The following GRIK2 variants were observed in gnomAD, a reference collection of about 807,000 sequenced individuals.
GRIK2 encodes glutamate ionotropic receptor kainate type subunit 2.
GRIK2 carries 32 observed loss-of-function variants against 100.3 expected under a neutral mutation model. The observed-to-expected ratio is 0.32, with a 90% CI of 0.24 to 0.43. The LOEUF (loss-of-function observed/expected upper bound fraction) is 0.43, where lower values mean the gene tolerates loss of function less well. GRIK2 is among the 20% of genes least tolerant of loss of function. The pLI, the probability that GRIK2 is intolerant of heterozygous loss-of-function variation, is 1.00. For synonymous variants in GRIK2, 417 were observed against 389.4 expected (o/e 1.07, Z -0.83); for missense variants, 843 against 1,114.9 (o/e 0.76, Z 3.47).
At chr6:101,748,788 C>T (rs1776605052) in intron 7 of GRIK2, among the ~76,000 whole-genome samples, 1 of 151,628 alleles carries the variant, frequency 6.6e-6, no homozygotes, top group South Asian at 2.1e-4. Context: ...AAATTATGTT[C>T]TGATTCATTA....
chr6:101,456,563 C>T (rs1771020192), intron 2 of GRIK2, among the ~76,000 whole-genome samples: 1 of 151,804 alleles, frequency 6.6e-6, no homozygotes, highest in South Asian at 2.1e-4. Flanking sequence ...TAATACATGG[C>T]ACATAAGTAA....
chr6:101,459,831 A>G (rs1174478940), intron 2 of GRIK2, among the ~76,000 whole-genome samples: 2 of 151,400 alleles, frequency 1.3e-5, no homozygotes, highest in South Asian at 2.1e-4. Context: ...GCTGGAGTGC[A>G]ATGGCACTCT....
At chr6:101,507,541 T>C (rs1021337304) in intron 2 of GRIK2, among the ~76,000 whole-genome samples, 10 of 152,156 alleles carry the variant, frequency 6.6e-5, no homozygotes, top group African/African-American at 2.2e-4. Context: ...GATGAACATA[T>C]AGTTTATTCA....
intron 2 of GRIK2, among the ~76,000 whole-genome samples, chr6:101,494,006 ATATT>A (rs911073537): frequency 1.0e-3 from 126 of 122,468 alleles, no homozygotes; most frequent in African/African-American, 3.7e-3. Flanking sequence ...AAAAATGTAT[ATATT>A]ATATATAAAA....
chr6:102,023,328 G>A (rs1424994917), intron 14 of GRIK2, among the ~76,000 whole-genome samples: 1 of 151,312 alleles, frequency 6.6e-6, no homozygotes, highest in Non-Finnish European at 1.5e-5. Flanking sequence ...AATGTTGTCA[G>A]TAAAAAGGGA....
chr6:101,686,380 TTG>T (rs1174971447), intron 7 of GRIK2, 27 bp downstream of exon 7: 2 of 1,574,602 alleles, frequency 1.3e-6, no homozygotes, highest in Non-Finnish European at 1.7e-6. Flanking sequence ...AAAGATCAGT[TTG>T]TGTGTTTCTA....
At chr6:101,902,030 A>ATT (rs1787878478) in intron 12 of GRIK2, among the ~76,000 whole-genome samples, 1 of 13,188 alleles carries the variant, frequency 7.6e-5, no homozygotes, top group Non-Finnish European at 1.5e-4. Context: ...AATTGGCTTA[A>ATT]AAATTTAAAT....
chr6:101,500,368 T>G (rs1773682970), intron 2 of GRIK2, among the ~76,000 whole-genome samples: 4 of 152,118 alleles, frequency 2.6e-5, no homozygotes, highest in African/African-American at 9.6e-5. Flanking sequence ...ATAAGATATT[T>G]TTTTAAATAT....
At chr6:102,050,789 A>AAGGG (rs987199496) in intron 15 of GRIK2, among the ~76,000 whole-genome samples, 10 of 148,698 alleles carry the variant, frequency 6.7e-5, no homozygotes, top group South Asian at 2.3e-4. Flanking sequence ...TAGAGGGAGA[A>AAGGG]AGGGAGGGAG....
chr6:101,818,376 A>G lies in GRIK2; in HGVS notation c.1210A>G (p.Thr404Ala). 3 of 1,584,330 alleles carry G rather than the reference A, an allele frequency of 1.9e-6. No individual in the cohort carries two copies. Among genetic ancestry groups the G allele is most frequent in the South Asian group, 2.2e-5 (2 of 90,412 alleles). ...LKEEGLEKIGTWDPASGLNMT... is the reference protein window; with the variant it reads ...LKEEGLEKIGAWDPASGLNMT... ...TACATATGCTATTTTATAGATTGGA[A>G]CGTGGGATCCAGCCAGTGGCCTGAA... Residue 404 changes from threonine (T) to alanine (A), a missense_variant, in exon 10 of 17, where the codon ACG becomes GCG. Physicochemically the swap from Thr to Ala is moderately conservative, Grantham distance 58 (BLOSUM62 0). Coordinates refer to ENST00000369134, the MANE Select transcript of GRIK2 (RefSeq NM_021956.5).
intron 16 of GRIK2, 105 bp downstream of exon 16, chr6:102,055,685 A>T (rs923359318): frequency 2.7e-6 from 2 of 730,748 alleles, no homozygotes; most frequent in Non-Finnish European, 4.6e-6. Context: ...AATGCATAGA[A>T]CTATTGCTCT....
At chr6:101,512,775 G>A (rs956552935) in intron 2 of GRIK2, among the ~76,000 whole-genome samples, 2 of 151,456 alleles carry the variant, frequency 1.3e-5, no homozygotes, top group African/African-American at 4.9e-5. Flanking sequence ...TCAATACTAA[G>A]TATTATAAAG....
intron 9 of GRIK2, among the ~76,000 whole-genome samples, chr6:101,811,979 T>C (rs2128418976): frequency 6.6e-6 from 1 of 151,522 alleles, no homozygotes; most frequent in African/African-American, 2.4e-5. Flanking sequence ...ATATGAATAA[T>C]TTACACATTC....
At chr6:101,706,519 A>G (rs556322431) in intron 7 of GRIK2, among the ~76,000 whole-genome samples, 104 of 152,076 alleles carry the variant, frequency 6.8e-4, no homozygotes, top group Middle Eastern at 3.4e-3. Flanking sequence ...TCCTTCATGA[A>G]ACAAATGACA....
chr6:101,541,900 G>A (rs1368169089), intron 2 of GRIK2, among the ~76,000 whole-genome samples: 3 of 135,794 alleles, frequency 2.2e-5, no homozygotes, highest in Non-Finnish European at 4.8e-5. Context: ...CTTCTCTTTT[G>A]TTCCTTTCCT....
intron 7 of GRIK2, among the ~76,000 whole-genome samples, chr6:101,771,320 T>A (rs1165760377): frequency 1.3e-5 from 2 of 151,974 alleles, no homozygotes; most frequent in African/African-American, 4.8e-5. Context: ...GTGGTTTGAT[T>A]TAAATTTCTA....
At chr6:101,449,110 A>G (rs1245921531) in intron 2 of GRIK2, among the ~76,000 whole-genome samples, 1 of 151,664 alleles carries the variant, frequency 6.6e-6, no homozygotes, top group Non-Finnish European at 1.5e-5. Flanking sequence ...GAAGAGAAAT[A>G]ATTCACATAT....
intron 2 of GRIK2, among the ~76,000 whole-genome samples, chr6:101,492,609 C>CA (rs1474735206): frequency 6.6e-6 from 1 of 151,852 alleles, no homozygotes; most frequent in African/African-American, 2.4e-5. Context: ...CTATATAGCA[C>CA]AAGATGTTCT....
At chr6:101,757,681 T>C (rs887310402) in intron 7 of GRIK2, among the ~76,000 whole-genome samples, 2 of 152,174 alleles carry the variant, frequency 1.3e-5, no homozygotes, top group African/African-American at 4.8e-5. Context: ...ACAAACTGAG[T>C]TACTAAGGCC....
Sources: allele counts gnomAD v4.1 joint callset (sites outside exome capture counted in the v4.1 genomes callset), GRCh38; gene constraint gnomAD v4.1.1; transcripts MANE v1.5; gene names NCBI Gene and HGNC (gene_info 2026-07-23, HGNC 2026-07-21).